The following CDIN1 variants were observed in gnomAD, a reference collection of about 807,000 sequenced individuals.
The protein encoded by CDIN1 is CDAN1 interacting nuclease 1, also known as CDAN1-interacting nuclease 1.
In CDIN1, 33 loss-of-function variants were observed where a neutral mutation model predicts 45.3. The ratio of observed to expected loss-of-function variants is 0.73; its 90% confidence interval spans 0.55 to 0.97. The LOEUF (loss-of-function observed/expected upper bound fraction) is 0.97. Ranked by LOEUF, CDIN1 falls within the 50% of genes least tolerant of loss-of-function variation. The pLI is 0.00. For synonymous variants in CDIN1, 118 were observed against 124.4 expected, an observed-to-expected ratio of 0.95 and a Z score of 0.34; for missense variants, 303 against 339.4, an observed-to-expected ratio of 0.89 and a Z score of 0.84.
chr15:36,643,845 G>A (rs1727845956), intron 1 of CDIN1, among the ~76,000 whole-genome samples: 1 of 152,176 alleles, frequency 6.6e-6, no homozygotes, highest in African/African-American at 2.4e-5. Context: ...GATACCTGTA[G>A]AGGAGAATAC....
intron 10 of CDIN1, chr15:36,798,473 T>C (rs1424546499): frequency 1.3e-5 from 2 of 152,246 alleles, no homozygotes; most frequent in African/African-American, 4.8e-5. Flanking sequence ...AAAATTTAAC[T>C]GCCCATTTAG....
chr15:36,801,641 C>A (rs2055051579), intron 10 of CDIN1, among the ~76,000 whole-genome samples: 1 of 152,146 alleles, frequency 6.6e-6, no homozygotes, highest in South Asian at 2.1e-4. Context: ...TGGATTTACT[C>A]CTCTTCCCTC....
At chr15:36,676,218 C>A (rs2041643994) in intron 5 of CDIN1, among the ~76,000 whole-genome samples, 1 of 152,150 alleles carries the variant, frequency 6.6e-6, no homozygotes, top group South Asian at 2.1e-4. Flanking sequence ...GCTCACCTAC[C>A]TATCCCTCTC....
chr15:36,619,545 T>A (rs2039066431), intron 1 of CDIN1, among the ~76,000 whole-genome samples: 1 of 151,810 alleles, frequency 6.6e-6, no homozygotes, highest in Non-Finnish European at 1.5e-5. Context: ...ACATATAAAG[T>A]GTATTTTTTC....
chr15:36,640,607 A>T (rs927265615), intron 1 of CDIN1: 42 of 985,088 alleles, frequency 4.3e-5, no homozygotes, highest in Non-Finnish European at 4.9e-5. Flanking sequence ...TTTTTCAGAG[A>T]TTGCATACTC....
chr15:36,756,440 T>C (rs1442832443), intron 10 of CDIN1, among the ~76,000 whole-genome samples: 3 of 152,130 alleles, frequency 2.0e-5, no homozygotes, highest in Non-Finnish European at 4.4e-5. Context: ...TATCCTTGCC[T>C]AAAGCAGGTG....
chr15:36,617,888 A>G (rs911123626), intron 1 of CDIN1: 3 of 772,206 alleles, frequency 3.9e-6, no homozygotes, highest in Non-Finnish European at 7.2e-6. Context: ...CAAGCCAATT[A>G]TGGCAAGGAT....
chr15:36,680,273 CTGT>C (rs2041804370), intron 5 of CDIN1, among the ~76,000 whole-genome samples: 1 of 152,202 alleles, frequency 6.6e-6, no homozygotes, highest in Non-Finnish European at 1.5e-5. Flanking sequence ...GCCCTTCTTT[CTGT>C]TGTTTGGGAG....
At chr15:36,582,797 T>G (rs2037107822) in intron 1 of CDIN1, among the ~76,000 whole-genome samples, 1 of 152,168 alleles carries the variant, frequency 6.6e-6, no homozygotes, top group South Asian at 2.1e-4. Context: ...AGCGTGAGAG[T>G]CTCTGTCTCT....
intron 1 of CDIN1, chr15:36,626,770 G>A (rs1452989130): frequency 1.4e-5 from 5 of 361,914 alleles, no homozygotes; most frequent in Admixed American, 3.3e-5. Context: ...CTTGGTGTGC[G>A]TTACTGATGA....
At chr15:36,655,620 C>G (rs11639059) in intron 4 of CDIN1, among the ~76,000 whole-genome samples, 4,617 of 152,262 alleles carry the variant, frequency 0.03, 108 homozygotes, top group Middle Eastern at 0.085. Flanking sequence ...CCACCACGCC[C>G]GGCCAGCAGG....
intron 10 of CDIN1, among the ~76,000 whole-genome samples, chr15:36,765,508 C>T (rs577528467): frequency 5.9e-5 from 9 of 152,190 alleles, no homozygotes; most frequent in South Asian, 4.1e-4. Flanking sequence ...AGAGAGTTTA[C>T]GTTAAAAAAA....
At chr15:36,617,464 C>A in intron 1 of CDIN1, 1 of 964,468 alleles carries the variant, frequency 1.0e-6, no homozygotes, top group Non-Finnish European at 1.7e-6. Context: ...TCTAAAGAAA[C>A]AATTAGAATT....
chr15:36,648,228 C>T (rs1024265793), intron 3 of CDIN1, among the ~76,000 whole-genome samples: 3 of 151,984 alleles, frequency 2.0e-5, no homozygotes, highest in Non-Finnish European at 4.4e-5. Context: ...CTTTTGTCAG[C>T]CCATTTTTAT....
chr15:36,654,562 G>C (rs1595428908), intron 4 of CDIN1, among the ~76,000 whole-genome samples: 1 of 146,154 alleles, frequency 6.8e-6, no homozygotes, highest in African/African-American at 2.5e-5. Flanking sequence ...GAGAGAAATT[G>C]TATACTTAAA....
chr15:36,667,558 C>G (rs1159121151), intron 5 of CDIN1, among the ~76,000 whole-genome samples: 1 of 152,096 alleles, frequency 6.6e-6, no homozygotes, highest in African/African-American at 2.4e-5. Context: ...AAGTCTATTA[C>G]TTTATGATAA....
At chr15:36,635,980 C>G (rs2140368330) in intron 1 of CDIN1, among the ~76,000 whole-genome samples, 1 of 151,756 alleles carries the variant, frequency 6.6e-6, no homozygotes, top group African/African-American at 2.4e-5. Context: ...GTAGAGAAGG[C>G]TGACAGGTTC....
At chr15:36,753,642 A>G (rs1178042635) in intron 10 of CDIN1, among the ~76,000 whole-genome samples, 2 of 151,064 alleles carry the variant, frequency 1.3e-5, no homozygotes, top group Admixed American at 1.3e-4. Flanking sequence ...AAGCAAATTT[A>G]TGTGAATGGT....
chr15:36,604,870 G>T (rs1270991892), intron 1 of CDIN1, among the ~76,000 whole-genome samples: 1 of 152,046 alleles, frequency 6.6e-6, no homozygotes, highest in African/African-American at 2.4e-5. Flanking sequence ...TGTTTATGTG[G>T]TCACATATAT....
Sources: gnomAD v4.1 joint callset for allele counts (sites outside exome capture counted in the v4.1 genomes callset) on GRCh38, gnomAD v4.1.1 for gene constraint, MANE v1.5 for transcripts, NCBI Gene and HGNC (gene_info 2026-07-23, HGNC 2026-07-21) for gene names.